STX17: variants seen among roughly 807,000 people sequenced by gnomAD.
The protein encoded by STX17 is syntaxin-17.
Under a neutral mutation model 35.9 loss-of-function variants are expected in STX17, and 29 were observed. That is an observed-to-expected ratio of 0.81 (90% confidence interval 0.60 to 1.10). STX17 has a LOEUF of 1.10. Ranked by LOEUF, STX17 falls within the 50% of genes least tolerant of loss-of-function variation. The pLI is 0.00. For missense variants in STX17, 312 were observed against 352.3 expected (o/e 0.89, Z 0.92); for synonymous variants, 92 against 118.3 (o/e 0.78, Z 1.44).
Position 99,915,178 on chromosome 9 carries a change from G to A in STX17, c.-62G>A. On this transcript the variant is annotated splice_region_variant and 5_prime_UTR_variant, in exon 2 of 8. Coordinates refer to ENST00000259400, the MANE Select transcript of STX17 (RefSeq NM_017919.3). ...TCTTAAAGAAATATTTTTCTTTTAGGTTTTTCTATATGAGTGGAGAAGACA... is the reference window on the plus strand; with the variant it reads ...TCTTAAAGAAATATTTTTCTTTTAGATTTTTCTATATGAGTGGAGAAGACA... The A allele has an allele frequency of 1.3e-6, 2 of 1,492,130 alleles. No individual in the cohort carries two copies. Among genetic ancestry groups the A allele is most frequent in the Non-Finnish European group, 8.9e-7 (1 of 1,120,432 alleles). The allele number at this position is 1,492,130 out of a possible 1,614,324, so 92.4% of individuals were successfully genotyped here.
intron 3 of STX17, among the ~76,000 whole-genome samples, chr9:99,948,591 A>C (rs1464094056): frequency 6.6e-6 from 1 of 152,186 alleles, no homozygotes; most frequent in Non-Finnish European, 1.5e-5. Flanking sequence ...AAATGAGAAT[A>C]ATAGTAATAT....
intron 2 of STX17, among the ~76,000 whole-genome samples, chr9:99,924,060 A>G (rs1193253365): frequency 1.3e-5 from 2 of 152,218 alleles, no homozygotes; most frequent in Non-Finnish European, 2.9e-5. Flanking sequence ...GTGATTGGAC[A>G]AAAAGGGTAT....
intron 3 of STX17, among the ~76,000 whole-genome samples, chr9:99,942,246 C>T (rs929774015): frequency 2.0e-5 from 3 of 152,146 alleles, no homozygotes; most frequent in African/African-American, 7.2e-5. Flanking sequence ...GTTTATGAGA[C>T]ATGCCCATTT....
intron 4 of STX17, among the ~76,000 whole-genome samples, chr9:99,953,506 G>A (rs1310079606): frequency 6.6e-6 from 1 of 152,028 alleles, no homozygotes; most frequent in Admixed American, 6.6e-5. Context: ...TCATTATTCT[G>A]TTCATCTATA....
intron 6 of STX17, among the ~76,000 whole-genome samples, chr9:99,960,449 G>T (rs1019521370): frequency 1.4e-5 from 2 of 144,506 alleles, no homozygotes; most frequent in Non-Finnish European, 1.5e-5. Flanking sequence ...TGTTTTTTGT[G>T]TTTTTTTTTT....
chr9:99,945,767 A>G, intron 3 of STX17: 2 of 397,808 alleles, frequency 5.0e-6, no homozygotes, highest in Non-Finnish European at 5.0e-6. Context: ...CAACTGTGGA[A>G]CAAAAATTTT....
At chr9:99,925,777 G>T (rs923761114) in intron 2 of STX17, among the ~76,000 whole-genome samples, 1 of 151,898 alleles carries the variant, frequency 6.6e-6, no homozygotes, top group Non-Finnish European at 1.5e-5. Flanking sequence ...CCGTTTTTAA[G>T]ATGTTTTTCT....
At chr9:99,929,511 C>G (rs1829066012) in intron 3 of STX17, among the ~76,000 whole-genome samples, 1 of 151,848 alleles carries the variant, frequency 6.6e-6, no homozygotes, top group African/African-American at 2.4e-5. Flanking sequence ...TTGGAAGAAA[C>G]CATTCTTAAT....
intron 4 of STX17, among the ~76,000 whole-genome samples, chr9:99,952,434 A>G (rs1031665847): frequency 2.0e-5 from 3 of 152,312 alleles, no homozygotes; most frequent in Admixed American, 2.0e-4. Flanking sequence ...TGTTGGTGGG[A>G]CTGTAAACTA....
intron 4 of STX17, 136 bp from the exon 5 acceptor site, chr9:99,959,781 A>T: frequency 1.4e-6 from 1 of 708,824 alleles, no homozygotes. Flanking sequence ...ATTTTTGTAG[A>T]ATAATCAATT....
chr9:99,916,234 G>A, intron 2 of STX17: 1 of 343,930 alleles, frequency 2.9e-6, no homozygotes, highest in Non-Finnish European at 5.7e-6. Flanking sequence ...CCATGCTCCG[G>A]TGAAGTGGCT....
chr9:99,968,599 A>G lies in STX17; in HGVS notation c.835A>G (p.Lys279Glu). 2 of 1,613,966 alleles carry G rather than the reference A, an allele frequency of 1.2e-6. No homozygotes were observed. Among genetic ancestry groups the G allele is most frequent in the South Asian group, 1.1e-5 (1 of 91,066 alleles). Residue 279 changes from lysine (K) to glutamate (E), a missense_variant, in exon 8 of 8, where the codon AAA becomes GAA. By Grantham distance (56) the Lys-to-Glu change is moderately conservative. Transcript: ENST00000259400. Reference sequence around the variant, plus strand: ...AGGTGGAAAATTGATACAAAGAAAGAAACAGAAAATGATGGAGAAGCTCAC... The same window carrying G: ...AGGTGGAAAATTGATACAAAGAAAGGAACAGAAAATGATGGAGAAGCTCAC... ...FTGGKLIQRK[K>E]QKMMEKLTSS...
intron 3 of STX17, among the ~76,000 whole-genome samples, chr9:99,941,424 C>A (rs1021995701): frequency 6.6e-6 from 1 of 152,158 alleles, no homozygotes; most frequent in Non-Finnish European, 1.5e-5. Flanking sequence ...ATTGACCATA[C>A]AAGTCAATGT....
rs541610288 is a variant in STX17 at position 99,934,809 on chromosome 9, G to A, written c.189+5966G>A. ...TTTTAAAAATGCAAATATATGCATA[G>A]CCACTCTTAATCATTAAATACATAA... On this transcript the variant is annotated intron_variant, in intron 3 of 7. Coordinates refer to ENST00000259400, the MANE Select transcript of STX17 (RefSeq NM_017919.3). Among the ~76,000 whole-genome samples the A allele has an allele frequency of 1.6e-4, 24 of 152,154 alleles. 2 individuals carry two copies. The South Asian group carries it at 4.8e-3, about 30-fold the overall frequency.
intron 2 of STX17, among the ~76,000 whole-genome samples, chr9:99,928,070 C>A (rs1440132945): frequency 6.6e-6 from 1 of 152,064 alleles, no homozygotes; most frequent in Admixed American, 6.6e-5. Context: ...CTATTCACAT[C>A]TGCTAACATT....
At position 99,916,418 on chromosome 9, in the gene STX17, TATTTATTTATTTATTC is replaced by T. The variant is rs1260661431; in HGVS notation, c.123+1060_123+1075del. ...TTATTTATTTATTTATTTATTTATTTATTTATTTATTTATTCATTCATTCATTCATTCATTCATTCA... is the reference window on the plus strand; with the variant it reads ...TTATTTATTTATTTATTTATTTATTTATTCATTCATTCATTCATTCATTCA... On this transcript the variant is annotated intron_variant, in intron 2 of 7. Coordinates refer to ENST00000259400, the MANE Select transcript of STX17 (RefSeq NM_017919.3). Among the ~76,000 whole-genome samples the T allele has an allele frequency of 2.4e-3, 298 of 124,832 alleles. 1 individual carries two copies. The East Asian group carries it at 0.026, about 11-fold the overall frequency. 81.9% of individuals were successfully genotyped at this position (124,832 alleles called of 152,430 possible). A position where few individuals can be genotyped will look rare whatever the true frequency, so the allele number is the denominator to read the frequency against.
intron 1 of STX17, chr9:99,906,928 G>A (rs1564054043): frequency 6.6e-6 from 1 of 152,290 alleles, no homozygotes; most frequent in Non-Finnish European, 1.5e-5. Flanking sequence ...GGAGGCCGCA[G>A]ACGATGCGAG....
chr9:99,908,617 T>C (rs1828599661), intron 1 of STX17, among the ~76,000 whole-genome samples: 1 of 152,180 alleles, frequency 6.6e-6, no homozygotes, highest in Non-Finnish European at 1.5e-5. Context: ...CCATCCTTTT[T>C]TTTCTTTTTT....
chr9:99,907,305 T>C (rs1399974379), intron 1 of STX17: 1 of 152,224 alleles, frequency 6.6e-6, no homozygotes, highest in Non-Finnish European at 1.5e-5. Context: ...TCGGTATCTC[T>C]TCCATAAGTC....
Sources: gnomAD v4.1 joint callset for allele counts (sites outside exome capture counted in the v4.1 genomes callset) on GRCh38, gnomAD v4.1.1 for gene constraint, MANE v1.5 for transcripts, NCBI Gene and HGNC (gene_info 2026-07-23, HGNC 2026-07-21) for gene names.